CCDC171: variants seen among roughly 807,000 people sequenced by gnomAD.
CCDC171 encodes the protein coiled-coil domain containing 171, also known as coiled-coil domain-containing protein 171.
CCDC171 carries 177 observed loss-of-function variants against 168.2 expected under a neutral mutation model. The observed-to-expected ratio is 1.05, with a 90% CI of 0.93 to 1.19. The LOEUF is 1.19. Ranked by LOEUF, CCDC171 falls within the 50% of genes most tolerant of loss-of-function variation. The pLI is 0.00. For missense variants in CCDC171, 1,991 were observed against 1,539.0 expected (o/e 1.29, Z -4.91); for synonymous variants, 687 against 540.8 (o/e 1.27, Z -3.75).
intron 25 of CCDC171, among the ~76,000 whole-genome samples, chr9:15,931,210 T>C (rs1826461725): frequency 6.6e-6 from 1 of 151,804 alleles, no homozygotes; most frequent in Non-Finnish European, 1.5e-5. Flanking sequence ...ACCAACAGTG[T>C]GTAAATGTTC....
the CCDC171 span, among the ~76,000 whole-genome samples, chr9:16,077,920 G>A: frequency 7.9e-5 from 12 of 152,208 alleles, no homozygotes; most frequent in Non-Finnish European, 1.6e-4. Flanking sequence ...GAAGATGTTG[G>A]CAAAGGATAC....
intron 24 of CCDC171, among the ~76,000 whole-genome samples, chr9:15,897,395 T>C (rs1032184985): frequency 6.6e-6 from 1 of 152,120 alleles, no homozygotes; most frequent in African/African-American, 2.4e-5. Flanking sequence ...TGTATGTTTT[T>C]AGCATCAAAA....
intron 10 of CCDC171, among the ~76,000 whole-genome samples, chr9:15,685,921 A>T (rs529911013): frequency 2.0e-5 from 3 of 152,288 alleles, no homozygotes; most frequent in African/African-American, 7.2e-5. Context: ...TTTCAGGTAG[A>T]TGAACATTAG....
At chr9:15,711,949 A>C (rs1253697858) in intron 11 of CCDC171, among the ~76,000 whole-genome samples, 1 of 152,148 alleles carries the variant, frequency 6.6e-6, no homozygotes, top group East Asian at 1.9e-4. Context: ...GAGGTGGTCC[A>C]CACCTGTATT....
intron 21 of CCDC171, among the ~76,000 whole-genome samples, chr9:15,835,841 T>A (rs2060422660): frequency 6.6e-6 from 1 of 152,218 alleles, no homozygotes; most frequent in Non-Finnish European, 1.5e-5. Context: ...TTCATATTTT[T>A]AAGTGTACCT....
intron 21 of CCDC171, among the ~76,000 whole-genome samples, chr9:15,802,408 C>G (rs956016921): frequency 1.4e-4 from 21 of 152,044 alleles, no homozygotes; most frequent in Admixed American, 4.6e-4. Context: ...TCTCCCTCCT[C>G]CCAGCCTGCA....
intron 16 of CCDC171, among the ~76,000 whole-genome samples, chr9:15,736,668 TC>T (rs2054517294): frequency 6.6e-5 from 10 of 150,978 alleles, no homozygotes; most frequent in Non-Finnish European, 1.5e-4. Flanking sequence ...TCTTTTTCTT[TC>T]TTTCTTTCTT....
At chr9:15,997,996 T>C (rs955781926) in intron 3 of CCDC171, among the ~76,000 whole-genome samples, 2 of 152,218 alleles carry the variant, frequency 1.3e-5, no homozygotes, top group Non-Finnish European at 2.9e-5. Context: ...AGTGCTCCCA[T>C]GGTAGCTGTA....
At chr9:15,861,674 A>G (rs1051901635) in intron 23 of CCDC171, among the ~76,000 whole-genome samples, 4 of 116,346 alleles carry the variant, frequency 3.4e-5, no homozygotes, top group South Asian at 3.5e-4. Context: ...TGATGTCACA[A>G]TTTACTATAT....
the CCDC171 span, among the ~76,000 whole-genome samples, chr9:16,095,899 T>TATATATATACAC: frequency 5.4e-4 from 76 of 140,218 alleles, no homozygotes; most frequent in African/African-American, 1.9e-3. Context: ...TATATATATA[T>TATATATATACAC]ACTGCCTCCA....
chr9:15,971,532 T>C, intron 25 of CCDC171, 77 bp from the exon 26 acceptor site: 1 of 848,564 alleles, frequency 1.2e-6, no homozygotes, highest in Non-Finnish European at 1.9e-6. Context: ...TTAGTCTACT[T>C]GCCTGTTTAT....
intron 7 of CCDC171, among the ~76,000 whole-genome samples, chr9:15,631,349 G>A (rs564145742): frequency 1.4e-4 from 21 of 152,126 alleles, no homozygotes; most frequent in Admixed American, 5.2e-4. Context: ...TATCACCACC[G>A]ATCCCACAGA....
At chr9:15,737,163 A>G (rs2054551222) in intron 16 of CCDC171, among the ~76,000 whole-genome samples, 1 of 151,968 alleles carries the variant, frequency 6.6e-6, no homozygotes, top group African/African-American at 2.4e-5. Flanking sequence ...TTTTTACATA[A>G]TTTAGTTAAT....
intron 25 of CCDC171, among the ~76,000 whole-genome samples, chr9:15,928,844 A>AGTTGTTTGTATAGGAAAC (rs1826179179): frequency 6.6e-6 from 1 of 151,666 alleles, no homozygotes; most frequent in Non-Finnish European, 1.5e-5. Flanking sequence ...CATATTCTAG[A>AGTTGTTTGTATAGGAAAC]AACTCAAGAG....
At chr9:15,905,294 TA>T (rs1460966343) in intron 24 of CCDC171, among the ~76,000 whole-genome samples, 1 of 152,112 alleles carries the variant, frequency 6.6e-6, no homozygotes, top group Non-Finnish European at 1.5e-5. Flanking sequence ...TCAGCAAATA[TA>T]AAAGAACGGA....
At chr9:15,647,169 T>C (rs1423685428) in intron 7 of CCDC171, among the ~76,000 whole-genome samples, 1 of 151,946 alleles carries the variant, frequency 6.6e-6, no homozygotes, top group Non-Finnish European at 1.5e-5. Flanking sequence ...CATAACAAAA[T>C]GAAGGCAGAA....
At chr9:15,902,279 T>TACAC (rs1413748480) in intron 24 of CCDC171, among the ~76,000 whole-genome samples, 41 of 145,070 alleles carry the variant, frequency 2.8e-4, no homozygotes, top group African/African-American at 9.7e-4. Flanking sequence ...TATATATATA[T>TACAC]ATACACACAC....
intron 23 of CCDC171, among the ~76,000 whole-genome samples, chr9:15,856,499 T>G (rs1167438313): frequency 3.3e-5 from 5 of 152,024 alleles, no homozygotes; most frequent in African/African-American, 1.2e-4. Flanking sequence ...TTTTGTTGTA[T>G]TTCATAAGAT....
chr9:15,921,536 G>A (rs1018197980), intron 25 of CCDC171, among the ~76,000 whole-genome samples: 8 of 151,608 alleles, frequency 5.3e-5, no homozygotes, highest in African/African-American at 1.7e-4. Flanking sequence ...GCAGTTTTCA[G>A]TGTTTGCTTC....
Sources: gnomAD v4.1 joint callset for allele counts (sites outside exome capture counted in the v4.1 genomes callset) on GRCh38, gnomAD v4.1.1 for gene constraint, MANE v1.5 for transcripts, NCBI Gene and HGNC (gene_info 2026-07-23, HGNC 2026-07-21) for gene names.